The following NKIRAS1 variants were observed in gnomAD, a reference collection of about 807,000 sequenced individuals.
The protein encoded by NKIRAS1 is NF-kappa-B inhibitor-interacting Ras-like protein 1.
A neutral mutation model predicts 19.8 loss-of-function variants in NKIRAS1; 16 were observed. That is an observed-to-expected ratio of 0.81 (90% CI 0.55 to 1.23). The LOEUF (loss-of-function observed/expected upper bound fraction) is 1.23. Among genes scored for constraint, NKIRAS1 ranks in the 50% most tolerant of loss-of-function variants. The probability of loss-of-function intolerance (pLI) is 0.00; values close to 1 mark genes in which losing one functional copy is unlikely to be tolerated. For synonymous variants in NKIRAS1, 88 were observed against 79.0 expected (o/e 1.11, Z -0.61); for missense variants, 184 against 220.0 (o/e 0.84, Z 1.04).
intron 1 of NKIRAS1, among the ~76,000 whole-genome samples, chr3:23,938,479 T>C (rs972283062): frequency 2.6e-5 from 4 of 152,182 alleles, no homozygotes; most frequent in Non-Finnish European, 5.9e-5. Context: ...CCCAGAGTGT[T>C]ATGATTACAG....
chr3:23,924,155 T>C (rs1705167998), intron 1 of NKIRAS1: 1 of 152,240 alleles, frequency 6.6e-6, no homozygotes, highest in Non-Finnish European at 1.5e-5. Flanking sequence ...GCATGAGTGG[T>C]AAGATTTTAT....
At chr3:23,894,888 C>T (rs954561542) in intron 4 of NKIRAS1, among the ~76,000 whole-genome samples, 1 of 152,206 alleles carries the variant, frequency 6.6e-6, no homozygotes, top group African/African-American at 2.4e-5. Context: ...GGTCAACCTG[C>T]TCTCGCCGTT....
At chr3:23,899,440 C>T (rs969887172) in intron 4 of NKIRAS1, among the ~76,000 whole-genome samples, 5 of 152,176 alleles carry the variant, frequency 3.3e-5, no homozygotes, top group African/African-American at 1.2e-4. Flanking sequence ...CTAGCCAGTA[C>T]TTTTTGTTGT....
At chr3:23,905,025 C>T (rs1702888250) in intron 3 of NKIRAS1, among the ~76,000 whole-genome samples, 1 of 152,058 alleles carries the variant, frequency 6.6e-6, no homozygotes, top group African/African-American at 2.4e-5. Flanking sequence ...GATGGGGTCT[C>T]CTGATGTTGC....
chr3:23,946,451 C>G, exon 1 of NKIRAS1: 1 of 266,866 alleles, frequency 3.7e-6, no homozygotes, highest in Non-Finnish European at 5.8e-6. Context: ...CGATCCCGAG[C>G]GACTCCCCGC....
rs903322137 is a variant in NKIRAS1, at chr3:23,891,832, G to T, written c.*1263C>A. On this transcript the variant is annotated 3_prime_UTR_variant, in exon 5 of 5. Coordinates refer to ENST00000425478, the MANE Select transcript of NKIRAS1 (RefSeq NM_020345.4). ...TACTTATTTAAAAATCATTATGAAA[G>T]CATTTGTCCATCTATGTAACATGCA... 1 of 152,138 alleles carries T rather than the reference G, an allele frequency of 6.6e-6. No homozygotes were observed. Among genetic ancestry groups the T allele is most frequent in the Admixed American group, 6.5e-5 (1 of 15,282 alleles). The allele number at this position is 152,138 out of a possible 1,614,324, so 9.4% of individuals were successfully genotyped here. A position where few individuals can be genotyped will look rare whatever the true frequency, so the allele number is the denominator to read the frequency against.
intron 1 of NKIRAS1, among the ~76,000 whole-genome samples, chr3:23,942,448 T>C (rs1705518994): frequency 6.6e-6 from 1 of 152,336 alleles, no homozygotes; most frequent in South Asian, 2.1e-4. Context: ...TTTATTTTTT[T>C]GAGACAGAGT....
chr3:23,901,178 AC>A (rs1257357141), intron 3 of NKIRAS1, 129 bp from the exon 4 acceptor site: 6 of 938,556 alleles, frequency 6.4e-6, no homozygotes, highest in South Asian at 4.3e-5. Flanking sequence ...TTTCTATTTT[AC>A]TTTTTTTTTT....
At chr3:23,896,332 C>T (rs1478301889) in intron 4 of NKIRAS1, among the ~76,000 whole-genome samples, 3 of 148,570 alleles carry the variant, frequency 2.0e-5, no homozygotes, top group African/African-American at 5.0e-5. Context: ...ATAAAACAAA[C>T]GGCCGGGCAT....
exon 1 of NKIRAS1, chr3:23,946,333 C>G (rs1705707193): frequency 1.0e-6 from 1 of 979,368 alleles, no homozygotes; most frequent in African/African-American, 1.8e-5. Context: ...CTTGCAGATT[C>G]CGAGGAGGAA....
chr3:23,911,898 GATTAC>G (rs904299031), intron 1 of NKIRAS1, among the ~76,000 whole-genome samples: 2 of 151,978 alleles, frequency 1.3e-5, no homozygotes, highest in Admixed American at 1.3e-4. Context: ...AAGTAGCTGG[GATTAC>G]AGGTGCCTGC....
intron 1 of NKIRAS1, chr3:23,916,292 G>A (rs1406499836): frequency 1.3e-5 from 2 of 152,010 alleles, no homozygotes; most frequent in Non-Finnish European, 2.9e-5. Flanking sequence ...AAGTAAGCCA[G>A]TAACCTATTT....
At chr3:23,929,014 G>A (rs149545343) in intron 1 of NKIRAS1, among the ~76,000 whole-genome samples, 1 of 83,544 alleles carries the variant, frequency 1.2e-5, no homozygotes. Context: ...AAAAAAAAAA[G>A]AAAAGAAAAG....
At chr3:23,941,251 A>G (rs1031280595) in intron 1 of NKIRAS1, among the ~76,000 whole-genome samples, 1 of 152,094 alleles carries the variant, frequency 6.6e-6, no homozygotes, top group African/African-American at 2.4e-5. Context: ...CCCCTCCTTC[A>G]TCTAGGTCCT....
intron 1 of NKIRAS1, among the ~76,000 whole-genome samples, chr3:23,929,965 T>A (rs1705276951): frequency 6.6e-6 from 1 of 152,182 alleles, no homozygotes; most frequent in Admixed American, 6.5e-5. Flanking sequence ...AATTTCTAGT[T>A]TTCATAATGA....
rs66482461 is a variant in NKIRAS1, at chr3:23,928,100, C to CCACACACACA, written c.-139-16660_-139-16651dup. Among the ~76,000 whole-genome samples the CCACACACACA allele has an allele frequency of 3.0e-3, 445 of 146,182 alleles. 2 individuals are homozygous for CCACACACACA. Among genetic ancestry groups the CCACACACACA allele is most frequent in the African/African-American group, 0.01 (411 of 39,310 alleles). ...TCTCTCTCCTCTCTCTCTCTACACA[C>CCACACACACA]CACACACACACACACACACACACAC... is the stretch of plus-strand genomic sequence containing the variant. On this transcript the variant is annotated intron_variant, in intron 1 of 4. Transcript: ENST00000421515.
intron 1 of NKIRAS1, chr3:23,916,362 T>C (rs979565812): frequency 6.6e-6 from 1 of 152,206 alleles, no homozygotes; most frequent in African/African-American, 2.4e-5. Flanking sequence ...ATTTCTTCTC[T>C]AAAACATTCA....
At chr3:23,898,005 T>C (rs1392688335) in intron 4 of NKIRAS1, among the ~76,000 whole-genome samples, 4 of 152,164 alleles carry the variant, frequency 2.6e-5, no homozygotes, top group Non-Finnish European at 4.4e-5. Context: ...CTTTTACAGA[T>C]AAGGAAACTG....
Position 23,895,036 on chromosome 3 carries a change from G to A in NKIRAS1, c.337-1699C>T, listed in dbSNP as rs114889117. 5.9e-3 allele frequency among the ~76,000 whole-genome samples: 903 copies of A among 152,146 alleles called. 9 individuals carry two copies. Among genetic ancestry groups the A allele is most frequent in the African/African-American group, 0.02 (847 of 41,486 alleles). Reference sequence around the variant, plus strand: ...TCACCACTCCCGTGGTCATATCCTAGACCTTGTTTTGTTTGTTTTTTTTAA... The same window carrying A: ...TCACCACTCCCGTGGTCATATCCTAAACCTTGTTTTGTTTGTTTTTTTTAA... On this transcript the variant is annotated intron_variant, in intron 4 of 4. Transcript: ENST00000425478.
Sources: gnomAD v4.1 joint callset for allele counts (sites outside exome capture counted in the v4.1 genomes callset) on GRCh38, gnomAD v4.1.1 for gene constraint, MANE v1.5 for transcripts, NCBI Gene and HGNC (gene_info 2026-07-23, HGNC 2026-07-21) for gene names.